Variants in NIPAL3 observed in about 807,000 individuals in gnomAD.
NIPAL3 encodes NIPA like domain containing 3.
A neutral mutation model predicts 47.2 loss-of-function variants in NIPAL3; 41 were observed. The observed-to-expected ratio is 0.87, with a 90% confidence interval of 0.68 to 1.13. The LOEUF is 1.13. Ranked by LOEUF, NIPAL3 falls within the 50% of genes most tolerant of loss-of-function variation. The pLI is 0.00. For missense variants in NIPAL3, 449 were observed against 530.1 expected (o/e 0.85, Z 1.50); for synonymous variants, 194 against 209.6 (o/e 0.93, Z 0.64).
At chr1:24,442,264 CCCAGCTGCGTGA>C (rs1160053792) in intron 4 of NIPAL3, 38 bp downstream of exon 4, 1 of 1,598,050 alleles carries the variant, frequency 6.3e-7, no homozygotes, top group African/African-American at 1.3e-5. Context: ...CTGGGGTGCT[CCCAGCTGCGTGA>C]CCAGAGTGCC....
At chr1:24,459,126 A>T (rs1380977321) in intron 9 of NIPAL3, 150 bp downstream of exon 9, 25 of 692,022 alleles carry the variant, frequency 3.6e-5, no homozygotes, top group Non-Finnish European at 5.3e-5. Flanking sequence ...AGACAGAGAG[A>T]CCCGGGTTTG....
At chr1:24,440,145 G>C in intron 2 of NIPAL3, 27 bp from the exon 3 acceptor site, 2 of 1,535,424 alleles carry the variant, frequency 1.3e-6, no homozygotes, top group Middle Eastern at 1.8e-4. Flanking sequence ...CCCAAATCAT[G>C]TCCACTCCTG....
At chr1:24,466,167 T>A (rs1570394002) in intron 11 of NIPAL3, 1 of 1,424,354 alleles carries the variant, frequency 7.0e-7, no homozygotes, top group East Asian at 2.4e-5. Context: ...AGCCTGGCAC[T>A]CTCAGCCAGG....
chr1:24,423,216 G>A (rs10489443), intron 2 of NIPAL3, among the ~76,000 whole-genome samples: 35,921 of 152,116 alleles, frequency 0.24, 4,725 homozygotes, highest in East Asian at 0.45. Flanking sequence ...TTCTGCTTTC[G>A]ATATTCAGAG....
chr1:24,422,758 ACT>A (rs1398871382), intron 2 of NIPAL3, among the ~76,000 whole-genome samples: 1 of 152,054 alleles, frequency 6.6e-6, no homozygotes. Flanking sequence ...TGAGCAAAAC[ACT>A]CTTCTCAAGT....
chr1:24,460,520 T>G lies in NIPAL3; in HGVS notation c.902T>G (p.Leu301Arg), dbSNP rs1401060317. ...FYLDFIGEDV[L>R]HICMFALGCL... ...CTGGACTTCATCGGGGAGGACGTGC[T>G]GCACATCTGCATGTTTGCACTGGGG... The change falls in exon 10 of 12, where the codon CTG (leucine) becomes CGG (arginine). Residue 301 changes from leucine to arginine, a missense_variant. Coordinates refer to ENST00000374399, the MANE Select transcript of NIPAL3 (RefSeq NM_020448.5). 6.3e-6 allele frequency: 10 copies of G among 1,583,702 alleles called. No homozygotes were observed. Among genetic ancestry groups the G allele is most frequent in the Non-Finnish European group, 8.6e-6 (10 of 1,168,646 alleles).
In NIPAL3 at chr1:24,470,894, T is replaced by A. The variant is rs1646879054; in HGVS notation, c.*1709T>A. On this transcript the variant is annotated 3_prime_UTR_variant, in exon 12 of 12. Transcript: ENST00000374399. ...CTTAGGATGGGTATCAATTCAACAA[T>A]ATTTATAAGGCATTTACTGTGTGCT... 6.6e-6 allele frequency: 1 copy of A among 152,218 alleles called. No individual in the cohort carries two copies. 9.4% of individuals were successfully genotyped at this position (152,218 alleles called of 1,614,324 possible).
At position 24,449,548 on chromosome 1, in the gene NIPAL3, C is replaced by T. The variant is rs1284597409; in HGVS notation, c.462C>T (p.Phe154=). The T allele has an allele frequency of 1.1e-5, 18 of 1,614,086 alleles. No individual in the cohort carries two copies. Among genetic ancestry groups the T allele is most frequent in the East Asian group, 6.7e-5 (3 of 44,878 alleles). The change falls in exon 6 of 12, where the codon TTC becomes TTT. Residue 154 remains phenylalanine (F), a synonymous_variant. Coordinates refer to ENST00000374399, the MANE Select transcript of NIPAL3 (RefSeq NM_020448.5). This position sits in a 1 kb window ranked among gnomAD's most constrained non-coding sequence, Gnocchi z 4.5. ...AVVGTYLLVT[F]APNSHEKMTG... ...TGGGTACCTACCTGCTGGTGACATT[C>T]GCACCCAACAGTCACGAGAAGATGA...
chr1:24,449,004 C>G lies in NIPAL3; in HGVS notation c.395-477C>G, dbSNP rs1645804050. 6.6e-6 allele frequency among the ~76,000 whole-genome samples: 1 copy of G among 152,216 alleles called. No homozygotes were observed. The highest frequency in any genetic ancestry group is 2.4e-5 in the African/African-American group (1 of 41,452). ...TGAACTGCCACTGTGCCCCACAACG[C>G]AGACGAATCTCAGAAACATCATGCT... On this transcript the variant is annotated intron_variant, in intron 5 of 11. Transcript: ENST00000374399. This position sits in a 1 kb window ranked among gnomAD's most constrained non-coding sequence, Gnocchi z 4.5.
At chr1:24,422,890 T>C (rs1057268506) in intron 2 of NIPAL3, among the ~76,000 whole-genome samples, 23 of 152,232 alleles carry the variant, frequency 1.5e-4, no homozygotes, top group Admixed American at 1.2e-3. Context: ...TATTGACATA[T>C]GGTATGCATA....
chr1:24,423,205 A>G (rs549297394), intron 2 of NIPAL3, among the ~76,000 whole-genome samples: 1 of 152,328 alleles, frequency 6.6e-6, no homozygotes, highest in East Asian at 1.9e-4. Context: ...AGAACATTCC[A>G]TTCTGCTTTC....
chr1:24,434,715 T>G (rs962211851), intron 2 of NIPAL3, among the ~76,000 whole-genome samples: 1 of 152,162 alleles, frequency 6.6e-6, no homozygotes, highest in Non-Finnish European at 1.5e-5. Context: ...TTTAAAATAT[T>G]GAAATTATAC....
At chr1:24,450,447 C>T (rs1474614837) in intron 6 of NIPAL3, among the ~76,000 whole-genome samples, 1 of 152,128 alleles carries the variant, frequency 6.6e-6, no homozygotes, top group Non-Finnish European at 1.5e-5. Context: ...GTCTCCTAAC[C>T]CCTCCGCCAG....
At chr1:24,460,082 T>C (rs1285867052) in intron 9 of NIPAL3, among the ~76,000 whole-genome samples, 1 of 152,204 alleles carries the variant, frequency 6.6e-6, no homozygotes, top group Non-Finnish European at 1.5e-5. Context: ...GGAGGGGAGA[T>C]GACTGCAGGC....
chr1:24,446,006 TGTTATAG>T (rs962059440), intron 5 of NIPAL3, among the ~76,000 whole-genome samples: 1 of 151,820 alleles, frequency 6.6e-6, no homozygotes, highest in Non-Finnish European at 1.5e-5. Context: ...TCCCATGTTG[TGTTATAG>T]GTGCTGGGAA....
intron 11 of NIPAL3, among the ~76,000 whole-genome samples, chr1:24,468,589 T>C (rs1006747703): frequency 1.3e-5 from 2 of 152,168 alleles, no homozygotes; most frequent in Non-Finnish European, 2.9e-5. Context: ...AAAATTACCC[T>C]CTTTCCTCGA....
At chr1:24,428,807 G>A (rs1166153804) in intron 2 of NIPAL3, among the ~76,000 whole-genome samples, 1 of 152,078 alleles carries the variant, frequency 6.6e-6, no homozygotes, top group East Asian at 1.9e-4. Context: ...CAATGTTTTT[G>A]CTGCCTAGGT....
Position 24,456,952 on chromosome 1 carries a change from G to A in NIPAL3, c.773+679G>A, listed in dbSNP as rs1359382384. Among the ~76,000 whole-genome samples, 6 of 152,054 alleles carry A rather than the reference G, an allele frequency of 3.9e-5. No homozygotes were observed. In the East Asian group the frequency reaches 1.2e-3, roughly 29 times the overall value. On this transcript the variant is annotated intron_variant, in intron 8 of 11. Transcript: ENST00000374399. ...TAATTTTTGTATTTTTAGTAGAGAC[G>A]AGATTTCACTTTGTGGGCCAGGCTG...
chr1:24,470,826 G>A lies in NIPAL3; in HGVS notation c.*1641G>A, dbSNP rs563389766. 5.9e-5 allele frequency: 9 copies of A among 152,338 alleles called. No homozygotes were observed. Among genetic ancestry groups the A allele is most frequent in the Admixed American group, 2.0e-4 (3 of 15,308 alleles). The allele number at this position is 152,338 out of a possible 1,614,324, so 9.4% of individuals were successfully genotyped here. ...GTCTTAACCACTTCTGTATTGTGTG[G>A]TCTTAACTGCCTAAGGCGGCAATGG... On this transcript the variant is annotated 3_prime_UTR_variant, in exon 12 of 12. Coordinates refer to ENST00000374399, the MANE Select transcript of NIPAL3 (RefSeq NM_020448.5).
Sources: allele counts gnomAD v4.1 joint callset (sites outside exome capture counted in the v4.1 genomes callset), GRCh38; gene constraint gnomAD v4.1.1; non-coding constraint Gnocchi (gnomAD v3.1); transcripts MANE v1.5; gene names NCBI Gene and HGNC (gene_info 2026-07-23, HGNC 2026-07-21).